CSRNP3: variants seen among roughly 807,000 people sequenced by gnomAD.
CSRNP3 encodes the protein cysteine and serine rich nuclear protein 3, also known as cysteine/serine-rich nuclear protein 3.
Under a neutral mutation model 48.0 loss-of-function variants are expected in CSRNP3, and 12 were observed. The observed-to-expected ratio is 0.25, with a 90% CI of 0.16 to 0.41. CSRNP3 has a LOEUF of 0.41. CSRNP3 is among the 10% of genes least tolerant of loss of function. The pLI is 1.00. For synonymous variants in CSRNP3, 263 were observed against 269.7 expected (o/e 0.98, Z 0.24); for missense variants, 580 against 724.4 (o/e 0.80, Z 2.29).
intron 3 of CSRNP3, among the ~76,000 whole-genome samples, chr2:165,520,770 TTATATATATATATTATATATATATA>T (rs1205187158): frequency 0.1 from 11,023 of 106,766 alleles, 533 homozygotes; most frequent in Non-Finnish European, 0.12. Flanking sequence ...TAGAAATATA[TTATATATATATATTATATATATATA>T]TATATATATA....
intron 4 of CSRNP3, among the ~76,000 whole-genome samples, chr2:165,599,155 G>T (rs920657243): frequency 2.0e-5 from 3 of 151,756 alleles, no homozygotes; most frequent in African/African-American, 7.3e-5. Context: ...AGCCCAGGAG[G>T]TTGAGGCTGC....
chr2:165,553,424 A>G (rs1685123512), intron 3 of CSRNP3, among the ~76,000 whole-genome samples: 1 of 152,136 alleles, frequency 6.6e-6, no homozygotes, highest in Non-Finnish European at 1.5e-5. Flanking sequence ...ACCTATTTTC[A>G]TACAGCCAAA....
At chr2:165,525,605 C>T (rs578048599) in intron 3 of CSRNP3, among the ~76,000 whole-genome samples, 4 of 151,646 alleles carry the variant, frequency 2.6e-5, no homozygotes, top group Admixed American at 2.6e-4. Flanking sequence ...CCTGCCTCAG[C>T]CTCCCAAAAA....
chr2:165,537,863 T>C (rs1053486091), intron 3 of CSRNP3, among the ~76,000 whole-genome samples: 3 of 151,998 alleles, frequency 2.0e-5, no homozygotes, highest in Non-Finnish European at 4.4e-5. Flanking sequence ...TTCCATTTTC[T>C]TTTTGATTTG....
At chr2:165,551,912 A>G (rs1685100735) in intron 3 of CSRNP3, among the ~76,000 whole-genome samples, 1 of 152,254 alleles carries the variant, frequency 6.6e-6, no homozygotes, top group African/African-American at 2.4e-5. Context: ...AAATACATAA[A>G]TTCAATAAAT....
intron 2 of CSRNP3, among the ~76,000 whole-genome samples, chr2:165,496,711 T>C (rs1378786983): frequency 6.6e-6 from 1 of 152,022 alleles, no homozygotes. Flanking sequence ...TCATCATCAG[T>C]TTAAAACCCT....
In CSRNP3 at chr2:165,634,680, ACCCAGGC is replaced by A. The variant is rs533796707; in HGVS notation, c.149-23078_149-23072del. Among the ~76,000 whole-genome samples the A allele has an allele frequency of 2.8e-4, 43 of 152,326 alleles. 1 individual carries two copies. Among genetic ancestry groups the A allele is most frequent in the Middle Eastern group, 6.8e-3 (2 of 294 alleles). On this transcript the variant is annotated intron_variant, in intron 4 of 6. Coordinates refer to ENST00000651982, the MANE Select transcript of CSRNP3 (RefSeq NM_001172173.2). The stretch of plus-strand genomic sequence containing the variant: ...AGCAACCTAGATTACATTAGGAAGT[ACCCAGGC>A]CCTGTGCTAGGTGCTAATAATTTAA...
intron 2 of CSRNP3, among the ~76,000 whole-genome samples, chr2:165,505,964 A>G (rs957647101): frequency 6.6e-6 from 1 of 152,200 alleles, no homozygotes; most frequent in Non-Finnish European, 1.5e-5. Context: ...CTTAGATAAA[A>G]CAGAGATATC....
intron 3 of CSRNP3, among the ~76,000 whole-genome samples, chr2:165,585,408 GTATTATCATCAGC>G (rs1685612291): frequency 6.6e-6 from 1 of 152,022 alleles, no homozygotes; most frequent in Non-Finnish European, 1.5e-5. Flanking sequence ...CCACTCACAG[GTATTATCATCAGC>G]TTGTTTACAA....
intron 4 of CSRNP3, among the ~76,000 whole-genome samples, chr2:165,642,068 A>G (rs1686729908): frequency 6.6e-6 from 1 of 150,596 alleles, no homozygotes; most frequent in Middle Eastern, 3.4e-3. Context: ...GGATGTTTCT[A>G]TGCATCCAGT....
intron 4 of CSRNP3, among the ~76,000 whole-genome samples, chr2:165,643,387 A>G (rs1686757752): frequency 6.6e-6 from 1 of 152,130 alleles, no homozygotes; most frequent in South Asian, 2.1e-4. Flanking sequence ...CTTGCTAAAA[A>G]CCAGTAGGTT....
intron 4 of CSRNP3, among the ~76,000 whole-genome samples, chr2:165,634,797 A>G (rs1686600409): frequency 6.6e-6 from 1 of 152,252 alleles, no homozygotes; most frequent in Admixed American, 6.5e-5. Flanking sequence ...GTGTCTAGAA[A>G]GTACTCCAGT....
At chr2:165,563,937 C>G (rs1429447446) in intron 3 of CSRNP3, among the ~76,000 whole-genome samples, 3 of 152,082 alleles carry the variant, frequency 2.0e-5, no homozygotes, top group Non-Finnish European at 4.4e-5. Context: ...CCGCTCCCCC[C>G]AGACAAGTAA....
rs1188178448 is a variant in CSRNP3, at chr2:165,679,329, G to A, written c.1334G>A (p.Gly445Glu). 4.3e-6 allele frequency: 7 copies of A among 1,613,564 alleles called. No homozygotes were observed. Among genetic ancestry groups the A allele is most frequent in the Non-Finnish European group, 5.9e-6 (7 of 1,179,912 alleles). Residue 445 changes from glycine to glutamate, a missense_variant, in exon 7 of 7, where the codon GGA becomes GAA. This residue lies in a region of CSRNP3 where 369 missense variants were observed against 380.8 expected (regional missense o/e 0.97). Coordinates refer to ENST00000651982, the MANE Select transcript of CSRNP3 (RefSeq NM_001172173.2). ...LYYQIDSHIP[G>E]TPNQISENYS... is the part of the protein sequence containing the mutation. ...TACCAAATAGATAGCCACATTCCAG[G>A]AACTCCAAATCAGATCTCTGAGAAC...
intron 3 of CSRNP3, among the ~76,000 whole-genome samples, chr2:165,534,756 C>T (rs1264304942): frequency 6.6e-6 from 1 of 151,556 alleles, no homozygotes; most frequent in Admixed American, 6.6e-5. Flanking sequence ...GAAATATTTT[C>T]AAGTTTCTTT....
chr2:165,470,039 T>A (rs1265276068), intron 1 of CSRNP3, among the ~76,000 whole-genome samples: 1 of 152,142 alleles, frequency 6.6e-6, no homozygotes, highest in Admixed American at 6.6e-5. Flanking sequence ...TGAATCATCA[T>A]GTGTCTCTTC....
chr2:165,486,226 G>C (rs1400807293), intron 1 of CSRNP3, among the ~76,000 whole-genome samples: 1 of 152,186 alleles, frequency 6.6e-6, no homozygotes, highest in Non-Finnish European at 1.5e-5. Flanking sequence ...CGATTATTGC[G>C]CTTTTCAGAC....
chr2:165,501,091 G>A (rs773741318), intron 2 of CSRNP3, among the ~76,000 whole-genome samples: 1 of 151,950 alleles, frequency 6.6e-6, no homozygotes, highest in South Asian at 2.1e-4. Flanking sequence ...TATATTTCAA[G>A]AACTCTTTAC....
Position 165,681,125 on chromosome 2 carries a change from G to T in CSRNP3, c.*1372G>T, listed in dbSNP as rs1687529652. ...ATAAAACATGCACTCCCCACCTTTAGATTACCTGCACTTGGTTCGTCGGAG... is the reference window on the plus strand; with the variant it reads ...ATAAAACATGCACTCCCCACCTTTATATTACCTGCACTTGGTTCGTCGGAG... On this transcript the variant is annotated 3_prime_UTR_variant, in exon 7 of 7. Transcript: ENST00000651982. The T allele has an allele frequency of 6.6e-6, 1 of 152,142 alleles. No homozygotes were observed. The highest frequency in any genetic ancestry group is 6.5e-5 in the Admixed American group (1 of 15,276). The allele number at this position is 152,142 out of a possible 1,614,324, so 9.4% of individuals were successfully genotyped here. A position where few individuals can be genotyped will look rare whatever the true frequency, so the allele number is the denominator to read the frequency against.
Sources: allele counts gnomAD v4.1 joint callset (sites outside exome capture counted in the v4.1 genomes callset), GRCh38; gene constraint gnomAD v4.1.1; regional missense constraint gnomAD v4.1.1; transcripts MANE v1.5; gene names NCBI Gene and HGNC (gene_info 2026-07-23, HGNC 2026-07-21).